Variants in COMT observed in about 807,000 individuals in gnomAD.
The protein encoded by COMT is catechol-O-methyltransferase.
Under a neutral mutation model 18.9 loss-of-function variants are expected in COMT, and 13 were observed. The ratio of observed to expected loss-of-function variants is 0.69; its 90% CI spans 0.45 to 1.09. COMT has a LOEUF of 1.09. Ranked by LOEUF, COMT falls within the 50% of genes least tolerant of loss-of-function variation. The probability of loss-of-function intolerance (pLI) is 0.00; values close to 1 mark genes in which losing one functional copy is unlikely to be tolerated. For synonymous variants in COMT, 150 were observed against 160.9 expected (o/e 0.93, Z 0.51); for missense variants, 329 against 361.8 (o/e 0.91, Z 0.73).
intron 5 of COMT, among the ~76,000 whole-genome samples, chr22:19,968,196 G>A (rs72547416): frequency 6.6e-6 from 1 of 152,310 alleles, no homozygotes; most frequent in Non-Finnish European, 1.5e-5. Flanking sequence ...CTGGCACTGG[G>A]TGTTGAGGGC....
At chr22:19,942,512 G>A (rs906826542) in intron 1 of COMT, among the ~76,000 whole-genome samples, 3 of 152,128 alleles carry the variant, frequency 2.0e-5, no homozygotes, top group African/African-American at 7.2e-5. Context: ...TGGTGTGCAG[G>A]ACCACGTGGG....
chr22:19,951,237 T>C (rs1237786421), intron 1 of COMT, among the ~76,000 whole-genome samples: 1 of 151,632 alleles, frequency 6.6e-6, no homozygotes, highest in Non-Finnish European at 1.5e-5. Context: ...TGGGCACCTA[T>C]AGTCCCAGCT....
At position 19,941,897 on chromosome 22, in the gene COMT, G is replaced by C. The variant is rs1325528256; in HGVS notation, c.-92G>C. On this transcript the variant is annotated splice_region_variant and 5_prime_UTR_variant, in exon 1 of 6. Transcript: ENST00000361682. ...GTCCCGGGCGGGCCGTCGCGGGAGA[G>C]GTGAGAGCGCTGGCTAGACCGGGGC... 7.6e-7 allele frequency: 1 copy of C among 1,309,756 alleles called. No individual in the cohort carries two copies. Among genetic ancestry groups the C allele is most frequent in the Non-Finnish European group, 9.9e-7 (1 of 1,015,062 alleles). The allele number at this position is 1,309,756 out of a possible 1,614,324, so 81.1% of individuals were successfully genotyped here.
chr22:19,946,162 C>CTCAGTGCAG (rs1941832157), intron 1 of COMT, among the ~76,000 whole-genome samples: 1 of 151,960 alleles, frequency 6.6e-6, no homozygotes, highest in South Asian at 2.1e-4. Context: ...GAGATCCTGG[C>CTCAGTGCAG]TCAGTGCAGT....
chr22:19,964,377 C>T lies in COMT; in HGVS notation c.615+78C>T, dbSNP rs777720939. On this transcript the variant is annotated intron_variant, in intron 5 of 5. Coordinates refer to ENST00000361682, the MANE Select transcript of COMT (RefSeq NM_000754.4). ...AGTCAGCCTCAGCCTCTCCAAAGAGCCAGGCATTCCAGTAGAGCCCTGTGT... is the reference window on the plus strand; with the variant it reads ...AGTCAGCCTCAGCCTCTCCAAAGAGTCAGGCATTCCAGTAGAGCCCTGTGT... 4.3e-5 allele frequency: 69 copies of T among 1,593,366 alleles called. No individual in the cohort carries two copies. In the South Asian group the frequency reaches 6.9e-4, roughly 16 times the overall value.
intron 1 of COMT, among the ~76,000 whole-genome samples, chr22:19,952,972 AT>A (rs1941979727): frequency 9.6e-6 from 1 of 104,220 alleles, no homozygotes; most frequent in African/African-American, 4.5e-5. Flanking sequence ...AAATAAATAA[AT>A]AAATAAATAA....
chr22:19,946,751 A>G (rs1941841514), intron 1 of COMT, among the ~76,000 whole-genome samples: 1 of 152,224 alleles, frequency 6.6e-6, no homozygotes, highest in African/African-American at 2.4e-5. Flanking sequence ...AATAATAACC[A>G]GAATGATGAT....
intron 1 of COMT, among the ~76,000 whole-genome samples, chr22:19,953,139 G>C (rs759994599): frequency 6.6e-6 from 1 of 152,068 alleles, no homozygotes; most frequent in African/African-American, 2.4e-5. Flanking sequence ...CTGCTGCCAC[G>C]GTGGGCCTCA....
At chr22:19,947,619 A>G (rs1431201426) in intron 1 of COMT, among the ~76,000 whole-genome samples, 1 of 152,128 alleles carries the variant, frequency 6.6e-6, no homozygotes, top group Non-Finnish European at 1.5e-5. Context: ...ACTTTCACTA[A>G]TTTTGTTACT....
At chr22:19,945,459 T>C (rs1338426917) in intron 1 of COMT, among the ~76,000 whole-genome samples, 1 of 152,176 alleles carries the variant, frequency 6.6e-6, no homozygotes, top group Non-Finnish European at 1.5e-5. Context: ...GTGTTTCCAA[T>C]TGTGTCCTGT....
chr22:19,960,033 T>C (rs1239957387), intron 1 of COMT, among the ~76,000 whole-genome samples: 1 of 152,230 alleles, frequency 6.6e-6, no homozygotes, highest in African/African-American at 2.4e-5. Flanking sequence ...CCCTCCCTGC[T>C]GTGGCCTCCT....
At chr22:19,959,094 G>A (rs1243739639) in intron 1 of COMT, among the ~76,000 whole-genome samples, 3 of 152,144 alleles carry the variant, frequency 2.0e-5, no homozygotes, top group African/African-American at 7.2e-5. Flanking sequence ...GGGGTCCCGA[G>A]TCGGACACTG....
intron 1 of COMT, among the ~76,000 whole-genome samples, chr22:19,956,109 T>C (rs992166309): frequency 7.0e-6 from 1 of 142,644 alleles, no homozygotes; most frequent in African/African-American, 2.6e-5. Context: ...AGTTTCTAGT[T>C]ATCTTTCTTT....
chr22:19,943,656 T>A (rs921569106), intron 1 of COMT, among the ~76,000 whole-genome samples: 2 of 150,038 alleles, frequency 1.3e-5, no homozygotes, highest in Non-Finnish European at 3.0e-5. Flanking sequence ...AAAAAAATAA[T>A]AATAAAATAA....
chr22:19,953,665 T>C (rs1464674139), intron 1 of COMT, among the ~76,000 whole-genome samples: 2 of 152,078 alleles, frequency 1.3e-5, no homozygotes, highest in African/African-American at 4.8e-5. Flanking sequence ...CCGGGCTCAG[T>C]CCAGCGGGGC....
intron 4 of COMT, 189 bp downstream of exon 4, chr22:19,963,948 A>T: frequency 8.5e-7 from 1 of 1,170,562 alleles, no homozygotes; most frequent in Non-Finnish European, 1.2e-6. Flanking sequence ...TGAGGGTCTC[A>T]CAGCTCTGGG....
intron 1 of COMT, 90 bp from the exon 2 acceptor site, chr22:19,961,109 C>T (rs1490313796): frequency 6.6e-6 from 1 of 152,274 alleles, no homozygotes; most frequent in Non-Finnish European, 1.5e-5. Context: ...TGGCCCTATC[C>T]GGGGAAGGGG....
At position 19,945,065 on chromosome 22, in the gene COMT, C is replaced by G. The variant is rs559027962; in HGVS notation, c.-92+3168C>G. On this transcript the variant is annotated intron_variant, in intron 1 of 5. Transcript: ENST00000361682. Reference sequence around the variant, plus strand: ...CACGAACAGTAATTGACCACACAGGCCTTTTTAAGTTTGCTGAAACTTTTA... The same window carrying G: ...CACGAACAGTAATTGACCACACAGGGCTTTTTAAGTTTGCTGAAACTTTTA... Among the ~76,000 whole-genome samples, 33 of 152,244 alleles carry G rather than the reference C, an allele frequency of 2.2e-4. No homozygotes were observed. In the South Asian group the frequency reaches 6.8e-3, roughly 32 times the overall value.
intron 5 of COMT, chr22:19,966,909 G>A: frequency 2.0e-6 from 2 of 980,546 alleles, no homozygotes; most frequent in Non-Finnish European, 2.4e-6. Flanking sequence ...AGTGTCACCT[G>A]CTCCTCTGAC....
Sources: gnomAD v4.1 joint callset for allele counts (sites outside exome capture counted in the v4.1 genomes callset) on GRCh38, gnomAD v4.1.1 for gene constraint, MANE v1.5 for transcripts, NCBI Gene and HGNC (gene_info 2026-07-23, HGNC 2026-07-21) for gene names.